MYT1L: variants seen among roughly 807,000 people sequenced by gnomAD.
MYT1L encodes the protein myelin transcription factor 1 like, also known as myelin transcription factor 1-like protein.
In MYT1L, 12 loss-of-function variants were observed where a neutral mutation model predicts 126.7. That is an observed-to-expected ratio of 0.09 (90% CI 0.06 to 0.15). MYT1L has a LOEUF of 0.15. Ranked by LOEUF, MYT1L falls within the 10% of genes least tolerant of loss-of-function variation. MYT1L has a pLI of 1.00. For missense variants in MYT1L, 979 were observed against 1,585.2 expected, an observed-to-expected ratio of 0.62 and a Z score of 6.49; for synonymous variants, 541 against 604.2, an observed-to-expected ratio of 0.90 and a Z score of 1.53.
chr2:2,248,819 A>T (rs1017566189), intron 2 of MYT1L, among the ~76,000 whole-genome samples: 1 of 152,328 alleles, frequency 6.6e-6, no homozygotes, highest in African/African-American at 2.4e-5. Flanking sequence ...ATAAAGTTCA[A>T]CATCGCTTTA....
chr2:2,310,971 G>T (rs756176417), intron 1 of MYT1L, among the ~76,000 whole-genome samples: 3 of 152,138 alleles, frequency 2.0e-5, no homozygotes, highest in African/African-American at 7.2e-5. Flanking sequence ...CAAACAAATA[G>T]AAAAATGAAG....
At chr2:1,868,360 T>C (rs1189590409) in intron 18 of MYT1L, among the ~76,000 whole-genome samples, 1 of 152,244 alleles carries the variant, frequency 6.6e-6, no homozygotes, top group Admixed American at 6.5e-5. Context: ...ATGTGCTTCT[T>C]AGGCAAAGAA....
chr2:1,865,149 G>T (rs894877264), intron 18 of MYT1L, among the ~76,000 whole-genome samples: 1 of 152,198 alleles, frequency 6.6e-6, no homozygotes, highest in Non-Finnish European at 1.5e-5. Flanking sequence ...GAGTCCCTGG[G>T]CGTCTGTGTG....
Position 1,911,974 on chromosome 2 carries a change from A to C in MYT1L, c.1709+46T>G, listed in dbSNP as rs1459361022. ...CCCCCAGGAAGGAGAAGGCATGGAG[A>C]GCAGCCGGTGCTCCCTCCCACACCA... On this transcript the variant is annotated intron_variant, in intron 12 of 24. Coordinates refer to ENST00000647738, the MANE Select transcript of MYT1L (RefSeq NM_001303052.2). 2.8e-6 allele frequency: 4 copies of C among 1,437,552 alleles called. No individual in the cohort carries two copies. In the South Asian group the frequency reaches 5.4e-5, roughly 19 times the overall value. 89.0% of individuals were successfully genotyped at this position (1,437,552 alleles called of 1,614,324 possible). A position where few individuals can be genotyped will look rare whatever the true frequency, so the allele number is the denominator to read the frequency against.
At chr2:2,321,317 C>T (rs1445261426) in intron 1 of MYT1L, among the ~76,000 whole-genome samples, 5 of 152,208 alleles carry the variant, frequency 3.3e-5, no homozygotes, top group Admixed American at 6.5e-5. Flanking sequence ...TACCAGGCAG[C>T]TCCAGAGCAG....
chr2:1,794,412 G>A (rs935111809), intron 23 of MYT1L, among the ~76,000 whole-genome samples: 8 of 152,204 alleles, frequency 5.3e-5, no homozygotes, highest in African/African-American at 1.7e-4. Context: ...CTTGCATTAT[G>A]AACTCACACT....
intron 2 of MYT1L, among the ~76,000 whole-genome samples, chr2:2,200,562 T>A (rs2093022104): frequency 6.6e-6 from 1 of 152,142 alleles, no homozygotes; most frequent in Non-Finnish European, 1.5e-5. Flanking sequence ...CTGAACTTAA[T>A]CCCCTCTGCA....
At chr2:1,808,178 A>C (rs1247263337) in intron 22 of MYT1L, among the ~76,000 whole-genome samples, 1 of 152,204 alleles carries the variant, frequency 6.6e-6, no homozygotes, top group Non-Finnish European at 1.5e-5. Flanking sequence ...TAGCAGTGTG[A>C]GAATGCACGA....
chr2:2,180,116 C>T (rs905519684), intron 2 of MYT1L, among the ~76,000 whole-genome samples: 1 of 152,142 alleles, frequency 6.6e-6, no homozygotes, highest in African/African-American at 2.4e-5. Flanking sequence ...ATGGGGATTG[C>T]ACCTGTTCAT....
chr2:2,290,021 G>A (rs565224300), intron 1 of MYT1L, among the ~76,000 whole-genome samples: 41 of 152,318 alleles, frequency 2.7e-4, no homozygotes, highest in African/African-American at 9.4e-4. Flanking sequence ...GATCCCCAGT[G>A]GGAGTCTGGG....
intron 8 of MYT1L, among the ~76,000 whole-genome samples, chr2:1,966,205 G>C (rs2059340606): frequency 6.6e-6 from 1 of 152,178 alleles, no homozygotes; most frequent in Non-Finnish European, 1.5e-5. Flanking sequence ...GGAGGCAGGG[G>C]GCTCCTCTAA....
intron 2 of MYT1L, among the ~76,000 whole-genome samples, chr2:2,248,896 C>A (rs903234892): frequency 2.0e-5 from 3 of 152,066 alleles, no homozygotes; most frequent in African/African-American, 7.2e-5. Context: ...CCATGTATGA[C>A]AGACTCACAG....
intron 18 of MYT1L, among the ~76,000 whole-genome samples, chr2:1,880,430 C>T (rs1262790217): frequency 6.6e-6 from 1 of 152,120 alleles, no homozygotes; most frequent in Non-Finnish European, 1.5e-5. Flanking sequence ...CTCTGCCTCC[C>T]GGGTTCCAGT....
intron 3 of MYT1L, among the ~76,000 whole-genome samples, chr2:2,132,533 A>G (rs1245477036): frequency 7.4e-6 from 1 of 135,002 alleles, no homozygotes; most frequent in African/African-American, 2.7e-5. Flanking sequence ...ATGAGAACAC[A>G]TGGACACAGA....
intron 3 of MYT1L, among the ~76,000 whole-genome samples, chr2:2,112,832 A>G (rs1433446730): frequency 1.3e-5 from 2 of 152,196 alleles, no homozygotes; most frequent in Non-Finnish European, 2.9e-5. Context: ...CATGGCTCCA[A>G]TATCAGCTCT....
At chr2:1,952,790 TCCCTCCTTCTCTC>T (rs1486959528) in intron 8 of MYT1L, among the ~76,000 whole-genome samples, 2 of 55,584 alleles carry the variant, frequency 3.6e-5, no homozygotes, top group African/African-American at 8.4e-5. Context: ...TTTCCTCCCT[TCCCTCCTTCTCTC>T]CCTCCCTCCC....
intron 19 of MYT1L, among the ~76,000 whole-genome samples, chr2:1,844,085 G>A (rs1416660230): frequency 6.6e-6 from 1 of 152,112 alleles, no homozygotes; most frequent in Non-Finnish European, 1.5e-5. Context: ...GCTTGGAGGG[G>A]TGTGGTCTTT....
chr2:1,938,994 T>C (rs1199812858), intron 9 of MYT1L, among the ~76,000 whole-genome samples: 1 of 152,242 alleles, frequency 6.6e-6, no homozygotes, highest in Non-Finnish European at 1.5e-5. Flanking sequence ...TTCAGTTTAC[T>C]ATAGAGGTGA....
At chr2:1,989,141 G>A (rs1220758375) in intron 5 of MYT1L, among the ~76,000 whole-genome samples, 1 of 151,720 alleles carries the variant, frequency 6.6e-6, no homozygotes, top group Non-Finnish European at 1.5e-5. Flanking sequence ...AAAAGTGCGT[G>A]TGTGTGTGTG....
Sources: gnomAD v4.1 joint callset for allele counts (sites outside exome capture counted in the v4.1 genomes callset) on GRCh38, gnomAD v4.1.1 for gene constraint, MANE v1.5 for transcripts, NCBI Gene and HGNC (gene_info 2026-07-23, HGNC 2026-07-21) for gene names.